The following JAK1 variants were observed in gnomAD, a reference collection of about 807,000 sequenced individuals.
JAK1 encodes the protein Janus kinase 1, also known as tyrosine-protein kinase JAK1.
Under a neutral mutation model 136.6 loss-of-function variants are expected in JAK1, and 16 were observed. That is an observed-to-expected ratio of 0.12 (90% CI 0.08 to 0.18). The LOEUF (loss-of-function observed/expected upper bound fraction) is 0.18. Among genes scored for constraint, JAK1 ranks in the 10% least tolerant of loss-of-function variants. JAK1 has a pLI of 1.00. For synonymous variants in JAK1, 492 were observed against 519.5 expected (o/e 0.95, Z 0.72); for missense variants, 859 against 1,450.1 (o/e 0.59, Z 6.62).
At chr1:65,030,489 T>C (rs971242934) in intron 2 of JAK1, among the ~76,000 whole-genome samples, 1 of 152,062 alleles carries the variant, frequency 6.6e-6, no homozygotes, top group Non-Finnish European at 1.5e-5. Context: ...TGGGTGAGTG[T>C]TTGATGAGGA....
chr1:64,903,151 C>T (rs1325440841), intron 1 of JAK1, among the ~76,000 whole-genome samples: 1 of 152,126 alleles, frequency 6.6e-6, no homozygotes, highest in Non-Finnish European at 1.5e-5. Context: ...CTCAGCCTTC[C>T]GAGTAGCTGG....
At chr1:65,008,390 A>G (rs963139645) in intron 2 of JAK1, among the ~76,000 whole-genome samples, 2 of 152,232 alleles carry the variant, frequency 1.3e-5, no homozygotes, top group Non-Finnish European at 2.9e-5. Flanking sequence ...AGGTCACATT[A>G]GAGAAATTCC....
chr1:65,019,807 T>C (rs537253163), intron 2 of JAK1, among the ~76,000 whole-genome samples: 1 of 151,828 alleles, frequency 6.6e-6, no homozygotes, highest in South Asian at 2.1e-4. Context: ...TCCCATCTAC[T>C]TGAGAGGCTA....
intron 1 of JAK1, among the ~76,000 whole-genome samples, chr1:64,964,364 T>C (rs1281943628): frequency 1.3e-5 from 2 of 152,260 alleles, no homozygotes; most frequent in African/African-American, 2.4e-5. Flanking sequence ...TATGCAGTTA[T>C]ACCTTAGTGT....
chr1:64,892,789 G>A (rs1644959311), intron 1 of JAK1, among the ~76,000 whole-genome samples: 2 of 152,180 alleles, frequency 1.3e-5, no homozygotes, highest in Admixed American at 1.3e-4. Flanking sequence ...GGTGAGATAG[G>A]TCTCAAACAC....
chr1:64,879,964 A>C (rs115124469), intron 3 of JAK1, among the ~76,000 whole-genome samples: 2,128 of 152,348 alleles, frequency 0.014, 15 homozygotes, highest in Non-Finnish European at 0.023. Flanking sequence ...ATGACTGCCA[A>C]TAATCAGCTA....
At chr1:64,927,052 A>T (rs1027791444) in intron 1 of JAK1, among the ~76,000 whole-genome samples, 34 of 152,060 alleles carry the variant, frequency 2.2e-4, no homozygotes, top group Non-Finnish European at 1.5e-5. Context: ...TATACCAACT[A>T]CTTCCCACCT....
chr1:64,958,584 G>A (rs1265106026), intron 1 of JAK1, among the ~76,000 whole-genome samples: 8 of 152,106 alleles, frequency 5.3e-5, no homozygotes, highest in Non-Finnish European at 1.0e-4. Flanking sequence ...GCATCTGTCC[G>A]CATCCCTGTG....
intron 12 of JAK1, among the ~76,000 whole-genome samples, chr1:64,850,482 T>G (rs310217): frequency 0.41 from 62,665 of 152,068 alleles, 14,429 homozygotes; most frequent in African/African-American, 0.63. Flanking sequence ...GGCAGCGAGG[T>G]GTGATGGCCA....
At chr1:64,962,414 T>C (rs1052339211) in intron 1 of JAK1, among the ~76,000 whole-genome samples, 1 of 152,188 alleles carries the variant, frequency 6.6e-6, no homozygotes, top group African/African-American at 2.4e-5. Flanking sequence ...CTGGGCAGTT[T>C]ATCCGCAGAG....
rs1237021196 is a variant in JAK1 at position 64,844,976 on chromosome 1, C to T, written c.2116-87G>A. ...TGGTCCCTCAGGTCATCTCTTCCTA[C>T]CCCCAGCTACAGCCAGATCTGGACA... On this transcript the variant is annotated intron_variant, in intron 15 of 24. Transcript: ENST00000342505. This position sits in a 1 kb window ranked among gnomAD's most constrained non-coding sequence, Gnocchi z 5.7. 7.7e-6 allele frequency: 12 copies of T among 1,556,960 alleles called. No homozygotes were observed. The highest frequency in any genetic ancestry group is 8.8e-6 in the Non-Finnish European group (10 of 1,137,650).
At position 64,866,929 on chromosome 1, in the gene JAK1, G is replaced by A. The variant is rs370721461; in HGVS notation, c.927C>T (p.Asn309=). 9.9e-6 allele frequency: 16 copies of A among 1,614,062 alleles called. No individual in the cohort carries two copies. The highest frequency in any genetic ancestry group is 9.3e-5 in the African/African-American group (7 of 74,932). ...TCACCATCACTTCGTAGTAGAGAAC[G>A]TTTCCACCGTCATTCGAATGAAACC... ...MNWFHSNDGG[N]VLYYEVMVTG... Residue 309 remains asparagine, a synonymous_variant, in exon 7 of 25, where the codon AAC becomes AAT. Transcript: ENST00000342505.
At chr1:65,038,001 C>T (rs575144501) in intron 2 of JAK1, among the ~76,000 whole-genome samples, 15 of 152,246 alleles carry the variant, frequency 9.9e-5, no homozygotes, top group African/African-American at 2.9e-4. Context: ...AAAGTTCTGC[C>T]TCACATTATG....
At chr1:64,842,559 T>C (rs557085375) in intron 17 of JAK1, among the ~76,000 whole-genome samples, 2 of 152,280 alleles carry the variant, frequency 1.3e-5, no homozygotes, top group East Asian at 3.9e-4. Context: ...CACACATCCC[T>C]GCGTCAGTGC....
chr1:65,026,105 C>G (rs1646975922), intron 2 of JAK1, among the ~76,000 whole-genome samples: 1 of 152,118 alleles, frequency 6.6e-6, no homozygotes, highest in Non-Finnish European at 1.5e-5. Flanking sequence ...CTCTGAAATC[C>G]TGGGTCATAA....
chr1:64,903,060 C>T (rs1451518626), intron 1 of JAK1, among the ~76,000 whole-genome samples: 1 of 152,122 alleles, frequency 6.6e-6, no homozygotes, highest in African/African-American at 2.4e-5. Context: ...GAGTTTTGCT[C>T]TTGTCACCCA....
chr1:65,056,923 T>TAAAA (rs57037539), intron 1 of JAK1, among the ~76,000 whole-genome samples: 1 of 118,746 alleles, frequency 8.4e-6, no homozygotes, highest in Non-Finnish European at 1.7e-5. Context: ...ACTCTTTCTT[T>TAAAA]AAAAAAAAAA....
At chr1:64,935,305 T>G (rs1404148114) in intron 1 of JAK1, among the ~76,000 whole-genome samples, 1 of 152,106 alleles carries the variant, frequency 6.6e-6, no homozygotes, top group Non-Finnish European at 1.5e-5. Flanking sequence ...TAACTCTTTT[T>G]TTTGTTTGTT....
At chr1:64,928,800 A>AC (rs1384349585) in intron 1 of JAK1, among the ~76,000 whole-genome samples, 5 of 150,152 alleles carry the variant, frequency 3.3e-5, no homozygotes, top group East Asian at 1.9e-4. Flanking sequence ...AAAAAAACAA[A>AC]AAAAAAAAAC....
Sources: gnomAD v4.1 joint callset for allele counts (sites outside exome capture counted in the v4.1 genomes callset) on GRCh38, gnomAD v4.1.1 for gene constraint, Gnocchi (gnomAD v3.1) non-coding constraint, MANE v1.5 for transcripts, NCBI Gene and HGNC (gene_info 2026-07-23, HGNC 2026-07-21) for gene names.